Variants in GALNT17 observed in about 807,000 individuals in gnomAD.
The protein encoded by GALNT17 is UDP-GalNAc:polypeptide N-acetylgalactosaminyltransferase-like 3.
Under a neutral mutation model 63.7 loss-of-function variants are expected in GALNT17, and 29 were observed. The ratio of observed to expected loss-of-function variants is 0.46; its 90% CI spans 0.34 to 0.62. The LOEUF is 0.62. GALNT17 is among the 20% of genes least tolerant of loss of function. GALNT17 has a pLI of 0.01. For missense variants in GALNT17, 603 were observed against 799.6 expected, an observed-to-expected ratio of 0.75 and a Z score of 2.97; for synonymous variants, 305 against 318.3, an observed-to-expected ratio of 0.96 and a Z score of 0.45.
At chr7:71,393,298 C>CT (rs1793082619) in intron 3 of GALNT17, among the ~76,000 whole-genome samples, 1 of 152,036 alleles carries the variant, frequency 6.6e-6, no homozygotes, top group African/African-American at 2.4e-5. Context: ...TTGATTAAAA[C>CT]TTTTTTTTCC....
intron 3 of GALNT17, among the ~76,000 whole-genome samples, chr7:71,391,538 G>A (rs11979289): frequency 0.066 from 10,046 of 152,148 alleles, 548 homozygotes; most frequent in African/African-American, 0.15. Flanking sequence ...GCTGGAGTGC[G>A]GTGGTGCGAT....
intron 2 of GALNT17, among the ~76,000 whole-genome samples, chr7:71,348,221 A>G (rs908830181): frequency 5.9e-5 from 9 of 151,606 alleles, no homozygotes; most frequent in African/African-American, 1.5e-4. Context: ...AGATCACACC[A>G]TTGCACTCCA....
At chr7:71,462,903 A>G (rs1315173988) in intron 5 of GALNT17, among the ~76,000 whole-genome samples, 1 of 152,170 alleles carries the variant, frequency 6.6e-6, no homozygotes, top group African/African-American at 2.4e-5. Flanking sequence ...TTTTCCTTTC[A>G]CATGGCTGTA....
rs768969882 is a variant in GALNT17 at position 71,132,893 on chromosome 7, A to G, written c.91A>G (p.Ile31Val). The G allele has an allele frequency of 2.4e-5, 38 of 1,612,778 alleles. No individual in the cohort carries two copies. The highest frequency in any genetic ancestry group is 2.9e-5 in the Non-Finnish European group (34 of 1,179,570). The change falls in exon 1 of 11, where the codon ATC becomes GTC. Residue 31 changes from isoleucine (I) to valine (V), a missense_variant. Transcript: ENST00000333538. The part of the protein sequence containing the change: ...FVLFLAKCRP[I>V]AVRSGDAFHE... ...GCTCTTCCTGGCCAAGTGCCGGCCC[A>G]TCGCGGTGCGCAGCGGAGACGCCTT...
chr7:71,517,599 C>A (rs1261977736), intron 5 of GALNT17, among the ~76,000 whole-genome samples: 1 of 152,152 alleles, frequency 6.6e-6, no homozygotes, highest in Non-Finnish European at 1.5e-5. Context: ...ATGGTGGTTG[C>A]TTTTCCTATT....
chr7:71,585,803 C>T (rs1423355207), intron 6 of GALNT17, among the ~76,000 whole-genome samples: 1 of 152,144 alleles, frequency 6.6e-6, no homozygotes, highest in Non-Finnish European at 1.5e-5. Context: ...ATAATCACCT[C>T]TGAAAACCTG....
intron 6 of GALNT17, among the ~76,000 whole-genome samples, chr7:71,579,753 G>A (rs1789602864): frequency 6.6e-6 from 1 of 152,168 alleles, no homozygotes; most frequent in South Asian, 2.1e-4. Flanking sequence ...AACCATCAAG[G>A]TGGGGCCCAG....
chr7:71,605,459 G>A (rs146759186), intron 6 of GALNT17, among the ~76,000 whole-genome samples: 18,043 of 151,772 alleles, frequency 0.12, 1,176 homozygotes, highest in Non-Finnish European at 0.15. Context: ...GGTGGCGTGC[G>A]CTTGTAGTCC....
intron 1 of GALNT17, among the ~76,000 whole-genome samples, chr7:71,320,927 G>A (rs2116001475): frequency 6.6e-6 from 1 of 152,266 alleles, no homozygotes; most frequent in East Asian, 1.9e-4. Context: ...AAATTTACAT[G>A]CTTTTGGGAG....
chr7:71,218,782 G>A (rs1358944264), intron 1 of GALNT17, among the ~76,000 whole-genome samples: 1 of 152,012 alleles, frequency 6.6e-6, no homozygotes, highest in African/African-American at 2.4e-5. Flanking sequence ...TAGGATGAGT[G>A]CTTCTTATGA....
intron 2 of GALNT17, among the ~76,000 whole-genome samples, chr7:71,336,412 TG>T: frequency 6.6e-6 from 1 of 152,254 alleles, no homozygotes. Context: ...ATAGGTTAAT[TG>T]CATGTCACAG....
chr7:71,260,234 A>T (rs1204202556), intron 1 of GALNT17, among the ~76,000 whole-genome samples: 3 of 152,096 alleles, frequency 2.0e-5, no homozygotes, highest in African/African-American at 7.2e-5. Context: ...ATTGTCAAGG[A>T]ACTTCTTCCT....
chr7:71,406,630 TTTTTAAAATA>T (rs1417292573), intron 3 of GALNT17, among the ~76,000 whole-genome samples: 1 of 152,172 alleles, frequency 6.6e-6, no homozygotes, highest in Non-Finnish European at 1.5e-5. Flanking sequence ...TCTAATAATA[TTTTTAAAATA>T]TTTTAAAATA....
intron 5 of GALNT17, among the ~76,000 whole-genome samples, chr7:71,449,270 C>T (rs1300896142): frequency 1.3e-5 from 2 of 151,828 alleles, no homozygotes; most frequent in African/African-American, 2.4e-5. Context: ...TGCCACCACA[C>T]CTGGCTAATT....
intron 5 of GALNT17, among the ~76,000 whole-genome samples, chr7:71,535,134 G>A (rs1731456816): frequency 6.6e-6 from 1 of 152,288 alleles, no homozygotes; most frequent in African/African-American, 2.4e-5. Context: ...TGGCTTCCTT[G>A]TCATCCTTCA....
At chr7:71,491,804 G>A (rs1448221746) in intron 5 of GALNT17, among the ~76,000 whole-genome samples, 4 of 152,140 alleles carry the variant, frequency 2.6e-5, no homozygotes, top group African/African-American at 4.8e-5. Flanking sequence ...GCTGGCCTGG[G>A]AGTCTCACTT....
At chr7:71,382,362 A>G (rs1202726873) in intron 2 of GALNT17, among the ~76,000 whole-genome samples, 1 of 152,168 alleles carries the variant, frequency 6.6e-6, no homozygotes, top group African/African-American at 2.4e-5. Context: ...CCTGGGCCAC[A>G]AAAGCAAGAC....
intron 3 of GALNT17, among the ~76,000 whole-genome samples, chr7:71,395,151 A>C (rs999946674): frequency 6.6e-6 from 1 of 152,150 alleles, no homozygotes; most frequent in African/African-American, 2.4e-5. Context: ...AGTATATTCA[A>C]ATGATTTGCA....
At chr7:71,621,040 AT>A (rs1348717283) in intron 6 of GALNT17, among the ~76,000 whole-genome samples, 1 of 152,202 alleles carries the variant, frequency 6.6e-6, no homozygotes, top group Admixed American at 6.5e-5. Context: ...ACTTAGTTGC[AT>A]TTTTTAAAAA....
Sources: allele counts gnomAD v4.1 joint callset (sites outside exome capture counted in the v4.1 genomes callset), GRCh38; gene constraint gnomAD v4.1.1; transcripts MANE v1.5; gene names NCBI Gene and HGNC (gene_info 2026-07-23, HGNC 2026-07-21).